The following ACAT1 variants were observed in gnomAD, a reference collection of about 807,000 sequenced individuals.
ACAT1 encodes the protein acetyl-CoA acetyltransferase 1.
In ACAT1, 28 loss-of-function variants were observed where a neutral mutation model predicts 47.3. That is an observed-to-expected ratio of 0.59 (90% confidence interval 0.44 to 0.81). ACAT1 has a LOEUF of 0.81. ACAT1 is among the 30% of genes least tolerant of loss of function. The pLI, the probability that ACAT1 is intolerant of heterozygous loss-of-function variation, is 0.00. For synonymous variants in ACAT1, 181 were observed against 173.6 expected (o/e 1.04, Z -0.34); for missense variants, 469 against 524.3 (o/e 0.89, Z 1.03).
chr11:108,143,757 G>T, intron 9 of ACAT1: 1 of 407,592 alleles, frequency 2.5e-6, no homozygotes, highest in South Asian at 2.9e-5. Flanking sequence ...TGGTGCCAAT[G>T]TTCCTAGAGG....
chr11:108,140,290 G>A (rs950758077), intron 7 of ACAT1, 75 bp downstream of exon 7: 40 of 1,561,612 alleles, frequency 2.6e-5, no homozygotes, highest in Non-Finnish European at 1.8e-6. Flanking sequence ...TTTTAAATTA[G>A]GACATTATCT....
intron 8 of ACAT1, 30 bp from the exon 9 acceptor site, chr11:108,142,407 T>A (rs1337924739): frequency 6.5e-7 from 1 of 1,536,782 alleles, no homozygotes; most frequent in Non-Finnish European, 9.0e-7. Context: ...TGAAGGAATG[T>A]TTTGACTTCA....
At chr11:108,127,727 G>A (rs550965030) in intron 1 of ACAT1, among the ~76,000 whole-genome samples, 2 of 152,200 alleles carry the variant, frequency 1.3e-5, no homozygotes, top group African/African-American at 2.4e-5. Context: ...TGACTAATGA[G>A]GTAGGAAGGA....
At chr11:108,124,442 T>C (rs376273184) in intron 1 of ACAT1, among the ~76,000 whole-genome samples, 10 of 152,022 alleles carry the variant, frequency 6.6e-5, no homozygotes, top group African/African-American at 2.4e-4. Flanking sequence ...TTTGTATTTT[T>C]AGTAGGGACG....
At chr11:108,147,132 G>C in intron 11 of ACAT1, 138 bp from the exon 12 acceptor site, 2 of 1,036,004 alleles carry the variant, frequency 1.9e-6, no homozygotes, top group Non-Finnish European at 1.4e-6. Context: ...CCAAGTTTTA[G>C]TTTTAGAATA....
chr11:108,140,467 C>T (rs780364811), intron 7 of ACAT1, among the ~76,000 whole-genome samples: 68 of 152,250 alleles, frequency 4.5e-4, no homozygotes, highest in African/African-American at 8.4e-4. Flanking sequence ...ACAGTCAATA[C>T]GGTATTTTAA....
Position 108,135,148 on chromosome 11 carries a change from C to T in ACAT1, c.341C>T (p.Pro114Leu). ...TRQAVLGAGLPISTPCTTINK... is the reference protein window; with the variant it reads ...TRQAVLGAGLLISTPCTTINK... ...TGACTTATATTGGTTTTAGGCTTAC[C>T]TATTTCTACTCCATGTACCACCATA... Residue 114 changes from proline to leucine, a missense_variant, in exon 5 of 12, where the codon CCT becomes CTT. By Grantham distance (98) the Pro-to-Leu change is moderately conservative (BLOSUM62 -3). Coordinates refer to ENST00000265838, the MANE Select transcript of ACAT1 (RefSeq NM_000019.4). 5.6e-6 allele frequency: 9 copies of T among 1,612,448 alleles called. No homozygotes were observed. Among genetic ancestry groups the T allele is most frequent in the Non-Finnish European group, 7.6e-6 (9 of 1,178,730 alleles).
chr11:108,123,020 T>G (rs2077180081), intron 1 of ACAT1, among the ~76,000 whole-genome samples: 1 of 151,358 alleles, frequency 6.6e-6, no homozygotes, highest in African/African-American at 2.4e-5. Flanking sequence ...AGGTCAAGAG[T>G]TCAAGACCAG....
intron 4 of ACAT1, 185 bp downstream of exon 4, chr11:108,134,501 G>A (rs1367377584): frequency 6.5e-5 from 29 of 444,448 alleles, no homozygotes; most frequent in Non-Finnish European, 1.2e-4. Context: ...AAATTAGCCA[G>A]GTGTGGTGGT....
Position 108,143,966 on chromosome 11 carries a change from C to CA in ACAT1, c.941-17_941-16insA, listed in dbSNP as rs1319729628. The CA allele has an allele frequency of 9.0e-7, 1 of 1,113,452 alleles. No homozygotes were observed. Among genetic ancestry groups the CA allele is most frequent in the African/African-American group, 1.6e-5 (1 of 62,698 alleles). The allele number at this position is 1,113,452 out of a possible 1,614,324, so 69.0% of individuals were successfully genotyped here. On this transcript the variant is annotated splice_polypyrimidine_tract_variant and intron_variant, in intron 9 of 11. Coordinates refer to ENST00000265838, the MANE Select transcript of ACAT1 (RefSeq NM_000019.4). ...AAAAAAGATTTTAACAACCCCCCCC[C>CA]CCCTTTTTTTAAACAGCATTTGCTG... is the stretch of plus-strand genomic sequence containing the variant.
At chr11:108,139,303 A>G in intron 6 of ACAT1, 1 of 453,366 alleles carries the variant, frequency 2.2e-6, no homozygotes, top group Non-Finnish European at 4.1e-6. Flanking sequence ...AAGATAAGAC[A>G]TGAGTGGCTG....
At chr11:108,139,717 G>GT (rs1203551152) in intron 6 of ACAT1, among the ~76,000 whole-genome samples, 2 of 152,098 alleles carry the variant, frequency 1.3e-5, no homozygotes, top group African/African-American at 4.8e-5. Context: ...CTGGAGTGCA[G>GT]TGGCACAGTC....
At chr11:108,138,816 T>G in intron 5 of ACAT1, 82 bp from the exon 6 acceptor site, 1 of 1,475,546 alleles carries the variant, frequency 6.8e-7, no homozygotes. Flanking sequence ...AGAATACTTG[T>G]TTGGTGGTAG....
At position 108,147,337 on chromosome 11, in the gene ACAT1, A is replaced by G. The variant is rs755855638; in HGVS notation, c.1231A>G (p.Ser411Gly). 4 of 1,614,010 alleles carry G rather than the reference A, an allele frequency of 2.5e-6. No homozygotes were observed. The highest frequency in any genetic ancestry group is 2.2e-5 in the South Asian group (2 of 91,088). Reference sequence around the variant, plus strand: ...GAAGCAAGGAGAATACGGTCTTGCCAGTATTTGCAATGGAGGAGGAGGTGC... The same window carrying G: ...GAAGCAAGGAGAATACGGTCTTGCCGGTATTTGCAATGGAGGAGGAGGTGC... ...ALKQGEYGLA[S>G]ICNGGGGASA... The change falls in exon 12 of 12, where the codon AGT becomes GGT. Residue 411 changes from serine (S) to glycine (G), a missense_variant. Ser to Gly is a moderately conservative substitution (Grantham distance 56). Transcript: ENST00000265838.
intron 7 of ACAT1, among the ~76,000 whole-genome samples, chr11:108,140,682 G>A (rs988715514): frequency 6.6e-6 from 1 of 152,012 alleles, no homozygotes; most frequent in Non-Finnish European, 1.5e-5. Flanking sequence ...CTACCTCTAG[G>A]GTCACATATA....
chr11:108,119,132 GAATTAA>G (rs940037998), upstream of ACAT1, among the ~76,000 whole-genome samples: 26 of 152,032 alleles, frequency 1.7e-4, no homozygotes, highest in Admixed American at 7.9e-4. Flanking sequence ...ATTTTTGGGA[GAATTAA>G]AATTAAACTG....
chr11:108,142,197 T>G (rs899649765), intron 8 of ACAT1, among the ~76,000 whole-genome samples: 1 of 152,226 alleles, frequency 6.6e-6, no homozygotes, highest in African/African-American at 2.4e-5. Context: ...CGAGCATTTA[T>G]CCAGTGCCAT....
At chr11:108,134,123 A>T in intron 3 of ACAT1, 98 bp from the exon 4 acceptor site, 2 of 1,269,086 alleles carry the variant, frequency 1.6e-6, no homozygotes, top group Admixed American at 4.0e-5. Flanking sequence ...AAAAAAAAGA[A>T]ACCATTCCTA....
intron 10 of ACAT1, 160 bp from the exon 11 acceptor site, chr11:108,146,042 T>TG (rs2077700655): frequency 5.4e-5 from 34 of 635,338 alleles, no homozygotes; most frequent in Non-Finnish European, 8.2e-5. Context: ...GCAAGACTGT[T>TG]GGAAAAAAAA....
Sources: gnomAD v4.1 joint callset for allele counts (sites outside exome capture counted in the v4.1 genomes callset) on GRCh38, gnomAD v4.1.1 for gene constraint, MANE v1.5 for transcripts, NCBI Gene and HGNC (gene_info 2026-07-23, HGNC 2026-07-21) for gene names.